ARHGAP12: variants seen among roughly 807,000 people sequenced by gnomAD.
ARHGAP12 encodes rho GTPase-activating protein 12.
Under a neutral mutation model 108.6 loss-of-function variants are expected in ARHGAP12, and 64 were observed. The observed-to-expected ratio is 0.59, with a 90% CI of 0.48 to 0.73. The LOEUF (loss-of-function observed/expected upper bound fraction) is 0.73. ARHGAP12 is among the 30% of genes least tolerant of loss of function. The probability of loss-of-function intolerance (pLI) is 0.00; values close to 1 mark genes in which losing one functional copy is unlikely to be tolerated. For missense variants in ARHGAP12, 940 were observed against 1,005.9 expected (o/e 0.93, Z 0.89); for synonymous variants, 312 against 337.2 (o/e 0.93, Z 0.82).
intron 3 of ARHGAP12, among the ~76,000 whole-genome samples, chr10:31,871,393 T>G (rs1230832433): frequency 2.0e-5 from 3 of 152,188 alleles, no homozygotes; most frequent in Non-Finnish European, 4.4e-5. Flanking sequence ...GGTGCTCTAT[T>G]ACTACAGGGT....
intron 9 of ARHGAP12, among the ~76,000 whole-genome samples, chr10:31,837,993 G>C (rs1352440632): frequency 1.3e-5 from 2 of 152,044 alleles, no homozygotes; most frequent in Non-Finnish European, 2.9e-5. Context: ...GAGAGTTGGA[G>C]GTTCCTATAA....
chr10:31,860,992 C>A (rs1022765296), intron 4 of ARHGAP12, among the ~76,000 whole-genome samples: 2 of 152,180 alleles, frequency 1.3e-5, no homozygotes, highest in African/African-American at 2.4e-5. Context: ...GAGTTTGAGG[C>A]TACAGTGAGA....
At chr10:31,858,079 T>A (rs1158654128) in intron 4 of ARHGAP12, among the ~76,000 whole-genome samples, 2 of 152,056 alleles carry the variant, frequency 1.3e-5, no homozygotes, top group Non-Finnish European at 2.9e-5. Context: ...TAGTTCATGC[T>A]TGTAGTCCCA....
chr10:31,806,359 G>C lies in ARHGAP12; in HGVS notation c.*1299C>G, dbSNP rs1316421572. 6.6e-6 allele frequency: 1 copy of C among 152,494 alleles called. No homozygotes were observed. Among genetic ancestry groups the C allele is most frequent in the Non-Finnish European group, 1.5e-5 (1 of 67,990 alleles). The allele number at this position is 152,494 out of a possible 1,614,324, so 9.4% of individuals were successfully genotyped here. A position where few individuals can be genotyped will look rare whatever the true frequency, so the allele number is the denominator to read the frequency against. On this transcript the variant is annotated 3_prime_UTR_variant, in exon 20 of 20. Transcript: ENST00000344936. ...CATTTCATGTACAGAAGTTAATCTA[G>C]AAAAATACATTTTAAAAATCTTCAA...
chr10:31,843,477 A>G lies in ARHGAP12; in HGVS notation c.1280T>C (p.Leu427Ser). ...CAGTCCTACCTTATCATTAGTGTCC[A>G]ATACAATGGTGCTATGTCTCCACTT... ...LTKWRHSTIVLDTNDKESPTA... is the reference protein window; with the variant it reads ...LTKWRHSTIVSDTNDKESPTA... The change falls in exon 7 of 20, where the codon TTG becomes TCG. Residue 427 changes from leucine to serine, a missense_variant. Leu to Ser is a moderately radical substitution (Grantham distance 145). Coordinates refer to ENST00000344936, the MANE Select transcript of ARHGAP12 (RefSeq NM_018287.7). 6.2e-7 allele frequency: 1 copy of G among 1,612,950 alleles called. No homozygotes were observed. The highest frequency in any genetic ancestry group is 8.5e-7 in the Non-Finnish European group (1 of 1,179,500).
At chr10:31,894,853 A>G (rs558550001) in intron 3 of ARHGAP12, among the ~76,000 whole-genome samples, 205 of 152,356 alleles carry the variant, frequency 1.3e-3, no homozygotes, top group Non-Finnish European at 2.1e-3. Flanking sequence ...AAACTATACT[A>G]CAAGGCTACA....
intron 3 of ARHGAP12, among the ~76,000 whole-genome samples, chr10:31,865,215 AT>A (rs1386991793): frequency 2.2e-4 from 34 of 152,176 alleles, no homozygotes; most frequent in Non-Finnish European, 1.5e-5. Context: ...TCTGATTTAA[AT>A]TTTTAAAATA....
intron 3 of ARHGAP12, among the ~76,000 whole-genome samples, chr10:31,888,874 T>C (rs1183139320): frequency 6.6e-6 from 1 of 151,912 alleles, no homozygotes; most frequent in African/African-American, 2.4e-5. Flanking sequence ...ATTCTGGGGC[T>C]GATTTGGAGA....
Position 31,836,918 on chromosome 10 carries a change from T to C in ARHGAP12, c.1386+2387A>G, listed in dbSNP as rs1241349198. On this transcript the variant is annotated intron_variant, in intron 9 of 19. Transcript: ENST00000344936. ...AGAACCACCTCTGGTAGAATTAACA[T>C]GGCGGTTTGTTTTTTTCACCTAAAG... Among the ~76,000 whole-genome samples the C allele has an allele frequency of 3.3e-5, 5 of 151,928 alleles. No individual in the cohort carries two copies. In the East Asian group the frequency reaches 7.7e-4, roughly 23 times the overall value.
chr10:31,902,616 A>G (rs1379991004), intron 3 of ARHGAP12, among the ~76,000 whole-genome samples: 4 of 151,816 alleles, frequency 2.6e-5, no homozygotes, highest in Non-Finnish European at 5.9e-5. Flanking sequence ...GGTTCTAATG[A>G]GCTACAATCG....
chr10:31,917,957 T>A (rs1037352361), intron 1 of ARHGAP12, among the ~76,000 whole-genome samples: 3 of 151,984 alleles, frequency 2.0e-5, no homozygotes, highest in Admixed American at 6.6e-5. Context: ...AAATACCTTT[T>A]TTTTTTTTCT....
At chr10:31,818,750 A>T (rs1835301038) in intron 12 of ARHGAP12, among the ~76,000 whole-genome samples, 1 of 152,214 alleles carries the variant, frequency 6.6e-6, no homozygotes, top group South Asian at 2.1e-4. Flanking sequence ...TGGATTGAAG[A>T]AAATATAACT....
chr10:31,823,263 G>T (rs1191405245), intron 11 of ARHGAP12, among the ~76,000 whole-genome samples: 3 of 151,882 alleles, frequency 2.0e-5, no homozygotes, highest in African/African-American at 7.2e-5. Flanking sequence ...TCTGAAGTGA[G>T]AAAAAAACAA....
intron 4 of ARHGAP12, among the ~76,000 whole-genome samples, chr10:31,857,875 C>G (rs2778649): frequency 0.43 from 65,495 of 152,026 alleles, 14,792 homozygotes; most frequent in Non-Finnish European, 0.51. Context: ...AACTAAGATT[C>G]TATTATTAAC....
chr10:31,829,886 T>C (rs12241623), intron 10 of ARHGAP12, among the ~76,000 whole-genome samples: 7,681 of 152,142 alleles, frequency 0.05, 648 homozygotes, highest in African/African-American at 0.17. Flanking sequence ...ATTCCTCCAT[T>C]TTCCACCTTT....
intron 9 of ARHGAP12, among the ~76,000 whole-genome samples, chr10:31,834,082 G>C (rs1835927466): frequency 6.6e-6 from 1 of 152,156 alleles, no homozygotes; most frequent in Non-Finnish European, 1.5e-5. Flanking sequence ...GCTAGGGTGA[G>C]AGCAAAGATC....
chr10:31,872,971 A>G (rs1323486698), intron 3 of ARHGAP12, among the ~76,000 whole-genome samples: 2 of 152,150 alleles, frequency 1.3e-5, no homozygotes, highest in Non-Finnish European at 2.9e-5. Context: ...ACTCAAAACC[A>G]TAAAGAACTG....
intron 15 of ARHGAP12, 60 bp downstream of exon 15, chr10:31,812,647 A>G (rs1592242077): frequency 9.3e-7 from 1 of 1,076,362 alleles, no homozygotes; most frequent in East Asian, 2.4e-5. Context: ...TTAATTTGAA[A>G]CATTTTATTT....
rs1836174814 is a variant in ARHGAP12, at chr10:31,839,633, T to G, written c.1371+4A>C. 5.6e-6 allele frequency: 9 copies of G among 1,597,896 alleles called. No homozygotes were observed. Among genetic ancestry groups the G allele is most frequent in the Non-Finnish European group, 7.7e-6 (9 of 1,168,270 alleles). ...ATTATAAGATATGCTTCTATCATAC[T>G]AACTGTATCTTGGTGCTTTGGTGAG... On this transcript the variant is annotated splice_donor_region_variant and intron_variant, in intron 8 of 19. Transcript: ENST00000344936.
Sources: gnomAD v4.1 joint callset for allele counts (sites outside exome capture counted in the v4.1 genomes callset) on GRCh38, gnomAD v4.1.1 for gene constraint, MANE v1.5 for transcripts, NCBI Gene and HGNC (gene_info 2026-07-23, HGNC 2026-07-21) for gene names.